Variants in CD46 observed in about 807,000 individuals in gnomAD.
CD46 encodes the protein membrane cofactor protein.
CD46 carries 30 observed loss-of-function variants against 53.3 expected under a neutral mutation model. The ratio of observed to expected loss-of-function variants is 0.56; its 90% CI spans 0.42 to 0.76. CD46 has a LOEUF of 0.76. Among genes scored for constraint, CD46 ranks in the 30% least tolerant of loss-of-function variants. The pLI is 0.00. For missense variants in CD46, 409 were observed against 463.0 expected (o/e 0.88, Z 1.07); for synonymous variants, 142 against 152.0 (o/e 0.93, Z 0.48).
rs750470907 is a variant in CD46, at chr1:207,767,134, C to T, written c.795C>T (p.Ser265=). The T allele has an allele frequency of 5.6e-6, 9 of 1,613,672 alleles. No individual in the cohort carries two copies. Among genetic ancestry groups the T allele is most frequent in the South Asian group, 4.4e-5 (4 of 91,076 alleles). ...ATAAGGGTTTTTACCTCGATGGCAG[C>T]GACACAATTGTCTGTGACAGTAACA... ...ECDKGFYLDG[S]DTIVCDSNST... The change falls in exon 6 of 13, where the codon AGC becomes AGT. Residue 265 remains serine, a synonymous_variant. Coordinates refer to ENST00000367042, the MANE Select transcript of CD46 (RefSeq NM_172351.3).
At position 207,752,082 on chromosome 1, in the gene CD46, C is replaced by T. The variant is rs1654957593; in HGVS notation, c.-131C>T. The T allele has an allele frequency of 2.2e-6, 2 of 928,014 alleles. No individual in the cohort carries two copies. The highest frequency in any genetic ancestry group is 1.7e-5 in the Admixed American group (1 of 58,898). The allele number at this position is 928,014 out of a possible 1,614,324, so 57.5% of individuals were successfully genotyped here. On this transcript the variant is annotated 5_prime_UTR_variant, in exon 1 of 13. Transcript: ENST00000367042. The surrounding 1 kb of genome is among the most constrained non-coding windows in gnomAD (Gnocchi z 4.1). ...GCTCGGGCCACGCCCACCTGTCCTG[C>T]AGCACTGGATGCTTTGTGAGTTGGG...
chr1:207,772,007 TATTG>T (rs527639009), intron 8 of CD46, among the ~76,000 whole-genome samples: 3 of 152,232 alleles, frequency 2.0e-5, no homozygotes, highest in Non-Finnish European at 4.4e-5. Flanking sequence ...ATTTTCCCAA[TATTG>T]ATTCTTCCTA....
intron 8 of CD46, among the ~76,000 whole-genome samples, chr1:207,774,754 T>C (rs1657910819): frequency 6.6e-6 from 1 of 152,266 alleles, no homozygotes; most frequent in Admixed American, 6.5e-5. Context: ...AGACATCCGC[T>C]GATAGTTGGA....
In CD46 at chr1:207,757,158, A is replaced by G; in HGVS notation, c.242A>G (p.Asp81Gly). The change falls in exon 2 of 13, where the codon GAT becomes GGT. Residue 81 changes from aspartate to glycine, a missense_variant. By Grantham distance (94) the Asp-to-Gly change is moderately conservative (BLOSUM62 -1). Transcript: ENST00000367042. ...IPPLATHTICDRNHTWLPVSD... is the reference protein window; with the variant it reads ...IPPLATHTICGRNHTWLPVSD... Reference sequence around the variant, plus strand: ...CCTCTTGCCACCCATACTATTTGTGATCGGAATCATACATGGCTACCTGTC... The same window carrying G: ...CCTCTTGCCACCCATACTATTTGTGGTCGGAATCATACATGGCTACCTGTC... 6.2e-7 allele frequency: 1 copy of G among 1,613,994 alleles called. No individual in the cohort carries two copies. The highest frequency in any genetic ancestry group is 8.5e-7 in the Non-Finnish European group (1 of 1,179,974).
chr1:207,768,123 G>T (rs1460896420), intron 7 of CD46: 1 of 325,962 alleles, frequency 3.1e-6, no homozygotes, highest in Non-Finnish European at 5.8e-6. Flanking sequence ...TATTAGTAAG[G>T]TATAAGTGGG....
chr1:207,777,492 C>G (rs1479558442), intron 8 of CD46, among the ~76,000 whole-genome samples: 1 of 152,156 alleles, frequency 6.6e-6, no homozygotes, highest in African/African-American at 2.4e-5. Context: ...TACTCCCACC[C>G]TCCCCGGTCA....
At chr1:207,770,718 C>T (rs943605171) in intron 8 of CD46, among the ~76,000 whole-genome samples, 5 of 152,178 alleles carry the variant, frequency 3.3e-5, no homozygotes, top group Non-Finnish European at 5.9e-5. Flanking sequence ...CATGTCCCTG[C>T]AAAGGACATG....
chr1:207,753,751 A>G (rs143468045), intron 1 of CD46, among the ~76,000 whole-genome samples: 2 of 152,302 alleles, frequency 1.3e-5, no homozygotes, highest in African/African-American at 4.8e-5. Flanking sequence ...AAAGACAGCT[A>G]TTTTTAATAT....
At chr1:207,773,448 G>A (rs1313651983) in intron 8 of CD46, among the ~76,000 whole-genome samples, 1 of 152,062 alleles carries the variant, frequency 6.6e-6, no homozygotes, top group African/African-American at 2.4e-5. Flanking sequence ...TTTTGAATTT[G>A]TTTGCTCTTG....
chr1:207,761,057 A>G (rs1377834146), intron 4 of CD46, 192 bp from the exon 5 acceptor site: 1 of 582,732 alleles, frequency 1.7e-6, no homozygotes. Context: ...TTGTTCTGAA[A>G]GTTAGTTACT....
rs1654966593 is a variant in CD46, at chr1:207,752,121, C to A, written c.-92C>A. The stretch of plus-strand genomic sequence containing the variant: ...TTGTGAGTTGGGGATTGTTGCGTCC[C>A]ATATCTGGACCCAGAAGGGACTTCC... On this transcript the variant is annotated 5_prime_UTR_variant, in exon 1 of 13. Transcript: ENST00000367042. This position sits in a 1 kb window ranked among gnomAD's most constrained non-coding sequence, Gnocchi z 4.1. 2 of 1,163,986 alleles carry A rather than the reference C, an allele frequency of 1.7e-6. No individual in the cohort carries two copies. Among genetic ancestry groups the A allele is most frequent in the African/African-American group, 3.0e-5 (2 of 66,442 alleles). 72.1% of individuals were successfully genotyped at this position (1,163,986 alleles called of 1,614,324 possible).
rs1448165388 is a variant in CD46 at position 207,767,124 on chromosome 1, T to C, written c.785T>C (p.Leu262Pro). The change falls in exon 6 of 13, where the codon CTC becomes CCC. Residue 262 changes from leucine (L) to proline (P), a missense_variant. Coordinates refer to ENST00000367042, the MANE Select transcript of CD46 (RefSeq NM_172351.3). ...TTTGAATGCGATAAGGGTTTTTACC[T>C]CGATGGCAGCGACACAATTGTCTGT... is the stretch of plus-strand genomic sequence containing the variant. ...VMFECDKGFY[L>P]DGSDTIVCDS... The C allele has an allele frequency of 8.1e-6, 13 of 1,613,926 alleles. No homozygotes were observed. Among genetic ancestry groups the C allele is most frequent in the Non-Finnish European group, 1.1e-5 (13 of 1,179,794 alleles).
At chr1:207,777,737 T>C (rs1240714985) in intron 8 of CD46, among the ~76,000 whole-genome samples, 1 of 152,218 alleles carries the variant, frequency 6.6e-6, no homozygotes, top group Admixed American at 6.5e-5. Context: ...TGAGCAGTGC[T>C]GCAGTGAACA....
intron 8 of CD46, 96 bp downstream of exon 8, chr1:207,770,458 G>T: frequency 1.1e-6 from 1 of 881,670 alleles, no homozygotes; most frequent in Non-Finnish European, 1.9e-6. Flanking sequence ...CAGCGTGCAG[G>T]TTTGTTACAT....
Position 207,779,913 on chromosome 1 carries a change from C to CTTTTTTTTTTTTTTTTTTTTTTT in CD46, c.944-3360_944-3359insTTTTTTTTTTTTTTTTTTTTTTT, listed in dbSNP as rs66758503. On this transcript the variant is annotated intron_variant, in intron 8 of 12. Coordinates refer to ENST00000367042, the MANE Select transcript of CD46 (RefSeq NM_172351.3). ...TTCTATTCTTGTAGCAAAAGCAAGT[C>CTTTTTTTTTTTTTTTTTTTTTTT]TTTTTTTTTTTTTTTTTTTACTGTA... Among the ~76,000 whole-genome samples the CTTTTTTTTTTTTTTTTTTTTTTT allele has an allele frequency of 2.5e-3, 156 of 62,364 alleles. 29 individuals are homozygous for CTTTTTTTTTTTTTTTTTTTTTTT. The highest frequency in any genetic ancestry group is 7.4e-3 in the East Asian group (9 of 1,224). 40.9% of individuals were successfully genotyped at this position (62,364 alleles called of 152,430 possible).
chr1:207,768,793 G>C (rs1657132782), intron 7 of CD46: 2 of 152,080 alleles, frequency 1.3e-5, no homozygotes, highest in Non-Finnish European at 1.5e-5. Context: ...CTTCAGTCTG[G>C]GCAGACTGTG....
intron 1 of CD46, among the ~76,000 whole-genome samples, chr1:207,754,953 TAAA>T (rs5780402): frequency 4.1e-4 from 54 of 133,084 alleles, no homozygotes; most frequent in African/African-American, 1.4e-3. Context: ...ACAAAACATG[TAAA>T]AAAAAAAAAA....
Position 207,761,263 on chromosome 1 carries a change from C to A in CD46, c.490C>A (p.Pro164Thr). The A allele has an allele frequency of 6.2e-7, 1 of 1,607,030 alleles. No homozygotes were observed. The highest frequency in any genetic ancestry group is 8.5e-7 in the Non-Finnish European group (1 of 1,173,860). The change falls in exon 5 of 13, where the codon CCA becomes ACA. Residue 164 changes from proline (P) to threonine (T), a missense_variant. By Grantham distance (38) the Pro-to-Thr change is conservative. Coordinates refer to ENST00000367042, the MANE Select transcript of CD46 (RefSeq NM_172351.3). ...TCATTTTTAAGAGGTTTTGTGTACA[C>A]CACCTCCAAAAATAAAAAATGGAAA... ...PPICEKVLCT[P>T]PPKIKNGKHT...
intron 11 of CD46, among the ~76,000 whole-genome samples, chr1:207,789,170 T>A (rs959382202): frequency 1.3e-5 from 2 of 152,258 alleles, no homozygotes; most frequent in African/African-American, 4.8e-5. Context: ...GATTATTTTT[T>A]AACTCTAGTT....
Sources: gnomAD v4.1 joint callset for allele counts (sites outside exome capture counted in the v4.1 genomes callset) on GRCh38, gnomAD v4.1.1 for gene constraint, Gnocchi (gnomAD v3.1) non-coding constraint, MANE v1.5 for transcripts, NCBI Gene and HGNC (gene_info 2026-07-23, HGNC 2026-07-21) for gene names.